PCDHGA5: variants seen among roughly 807,000 people sequenced by gnomAD.
The protein encoded by PCDHGA5 is protocadherin gamma-A5.
In PCDHGA5, 36 loss-of-function variants were observed where a neutral mutation model predicts 56.7. That is an observed-to-expected ratio of 0.64 (90% CI 0.49 to 0.84). PCDHGA5 has a LOEUF of 0.84. Ranked by LOEUF, PCDHGA5 falls within the 40% of genes least tolerant of loss-of-function variation. The pLI is 0.00. For missense variants in PCDHGA5, 1,305 were observed against 1,201.5 expected (o/e 1.09, Z -1.27); for synonymous variants, 563 against 520.2 (o/e 1.08, Z -1.12).
Position 141,388,997 on chromosome 5 carries a change from C to G in PCDHGA5, c.2421+22246C>G. On this transcript the variant is annotated intron_variant, in intron 1 of 3. Transcript: ENST00000518069. ...ATATTGCTTTGCTCAAAGTCCGTGA[C>G]AAGGATTCCAGACACAATGGAGAAG... The G allele has an allele frequency of 1.9e-6, 3 of 1,613,968 alleles. No individual in the cohort carries two copies. The highest frequency in any genetic ancestry group is 2.5e-6 in the Non-Finnish European group (3 of 1,179,880).
chr5:141,428,238 G>A lies in PCDHGA5; in HGVS notation c.2421+61487G>A, dbSNP rs775703660. On this transcript the variant is annotated intron_variant, in intron 1 of 3. Transcript: ENST00000518069. ...TAGTCTTCGCAGACAGCCTGCAGGA[G>A]GCACTGCCAGACTTCAGTGACAGTC... 1.0e-5 allele frequency: 10 copies of A among 998,180 alleles called. No individual in the cohort carries two copies. The South Asian group carries it at 1.3e-4, about 13-fold the overall frequency. The allele number at this position is 998,180 out of a possible 1,614,324, so 61.8% of individuals were successfully genotyped here. A position where few individuals can be genotyped will look rare whatever the true frequency, so the allele number is the denominator to read the frequency against.
chr5:141,455,037 C>T (rs1251627513), intron 1 of PCDHGA5, among the ~76,000 whole-genome samples: 1 of 151,744 alleles, frequency 6.6e-6, no homozygotes, highest in Non-Finnish European at 1.5e-5. Flanking sequence ...TGGTCTCGAT[C>T]TCCTGACCTC....
intron 1 of PCDHGA5, chr5:141,390,879 T>C (rs965843602): frequency 1.3e-5 from 2 of 153,458 alleles, no homozygotes; most frequent in African/African-American, 4.8e-5. Flanking sequence ...TGTGTGTGTG[T>C]GTGTGTGTGA....
At chr5:141,418,830 G>T (rs371820904) in intron 1 of PCDHGA5, 44 of 1,613,858 alleles carry the variant, frequency 2.7e-5, no homozygotes, top group Non-Finnish European at 3.6e-5. Flanking sequence ...GCAAAAGACC[G>T]AGGATCTCTC....
chr5:141,505,577 G>A lies in PCDHGA5; in HGVS notation c.2569+96G>A, dbSNP rs537948666. 8.2e-6 allele frequency: 13 copies of A among 1,589,854 alleles called. No homozygotes were observed. The African/African-American group carries it at 1.1e-4, about 13-fold the overall frequency. Reference sequence around the variant, plus strand: ...TGCCCACGGACTGGATGTCAAACCTGTGTAGTTTCTCCAGATCTTTCGGCA... The same window carrying A: ...TGCCCACGGACTGGATGTCAAACCTATGTAGTTTCTCCAGATCTTTCGGCA... On this transcript the variant is annotated intron_variant, in intron 3 of 3. Coordinates refer to ENST00000518069, the MANE Select transcript of PCDHGA5 (RefSeq NM_018918.3).
At position 141,494,838 on chromosome 5, in the gene PCDHGA5, C is replaced by T; in HGVS notation, c.2453C>T (p.Ser818Phe). 4.3e-6 allele frequency: 7 copies of T among 1,614,166 alleles called. No homozygotes were observed. Among genetic ancestry groups the T allele is most frequent in the Non-Finnish European group, 3.4e-6 (4 of 1,180,032 alleles). Residue 818 changes from serine (S) to phenylalanine (F), a missense_variant, in exon 2 of 4, where the codon TCT becomes TTT. By Grantham distance (155) the Ser-to-Phe change is radical. Transcript: ENST00000518069. ...CCGCCCAACACGGACTGGCGTTTCT[C>T]TCAGGCCCAGAGACCCGGCACCAGC... ...QAPPNTDWRF[S>F]QAQRPGTSGS...
At chr5:141,423,757 G>C (rs562479446) in intron 1 of PCDHGA5, 29 of 395,138 alleles carry the variant, frequency 7.3e-5, no homozygotes, top group African/African-American at 6.1e-4. Flanking sequence ...GTTTGGGGGG[G>C]GGGTGGGGCG....
chr5:141,368,540 AT>A (rs34785174), intron 1 of PCDHGA5, among the ~76,000 whole-genome samples: 1 of 152,116 alleles, frequency 6.6e-6, no homozygotes, highest in Middle Eastern at 3.4e-3. Context: ...TTGCTTTTCC[AT>A]TTTTTTTAAA....
At chr5:141,372,739 GT>G in intron 1 of PCDHGA5, 1 of 1,613,668 alleles carries the variant, frequency 6.2e-7, no homozygotes, top group Non-Finnish European at 8.5e-7. Context: ...GATCTTCTAT[GT>G]GATGAAGCCT....
Position 141,431,180 on chromosome 5 carries a change from A to C in PCDHGA5, c.2422-63627A>C. The C allele has an allele frequency of 6.2e-7, 1 of 1,614,246 alleles. No homozygotes were observed. The highest frequency in any genetic ancestry group is 8.5e-7 in the Non-Finnish European group (1 of 1,180,044). On this transcript the variant is annotated intron_variant, in intron 1 of 3. Transcript: ENST00000518069. This position sits in a 1 kb window ranked among gnomAD's most constrained non-coding sequence, Gnocchi z 4.8. ...CTTTCGTGAAAGTGAATTAGAAATA[A>C]AAATTAGTGAAAATGCAGCCACTGA...
intron 3 of PCDHGA5, 118 bp downstream of exon 3, chr5:141,505,599 G>A (rs936757644): frequency 1.5e-5 from 23 of 1,555,468 alleles, no homozygotes; most frequent in South Asian, 2.4e-5. Flanking sequence ...CAGATCTTTC[G>A]GCAGGTCTGA....
In PCDHGA5 at chr5:141,477,794, C is replaced by A. The variant is rs148942362; in HGVS notation, c.2422-17013C>A. On this transcript the variant is annotated intron_variant, in intron 1 of 3. Coordinates refer to ENST00000518069, the MANE Select transcript of PCDHGA5 (RefSeq NM_018918.3). This position sits in a 1 kb window ranked among gnomAD's most constrained non-coding sequence, Gnocchi z 4.9. ...CAGCGTGAACATATTTGTCACTGAT[C>A]GCAATGACAATGCCCCCCAGGTCCT... The A allele has an allele frequency of 5.6e-6, 9 of 1,614,086 alleles. No individual in the cohort carries two copies. Among genetic ancestry groups the A allele is most frequent in the Non-Finnish European group, 7.6e-6 (9 of 1,180,030 alleles).
intron 1 of PCDHGA5, chr5:141,371,830 C>A: frequency 6.2e-7 from 1 of 1,613,814 alleles, no homozygotes. Flanking sequence ...GCCTCGGATC[C>A]CGACTTGGGA....
chr5:141,371,233 C>T lies in PCDHGA5; in HGVS notation c.2421+4482C>T, dbSNP rs773899616. 4 of 1,613,864 alleles carry T rather than the reference C, an allele frequency of 2.5e-6. No individual in the cohort carries two copies. The Admixed American group carries it at 5.0e-5, about 20-fold the overall frequency. ...GGCATCAATGCCGAAATCATCTATG[C>T]CTTCATCAATATTGGCAAGGAAGTG... On this transcript the variant is annotated intron_variant, in intron 1 of 3. Transcript: ENST00000518069.
At chr5:141,423,754 GGGGGGGT>G in intron 1 of PCDHGA5, 1 of 577,826 alleles carries the variant, frequency 1.7e-6, no homozygotes, top group Non-Finnish European at 2.2e-6. Flanking sequence ...ACTGTTTGGG[GGGGGGGT>G]GGGGCGGCAT....
At chr5:141,419,901 C>A (rs2096446114) in intron 1 of PCDHGA5, 5 of 1,614,108 alleles carry the variant, frequency 3.1e-6, no homozygotes, top group Non-Finnish European at 4.2e-6. Flanking sequence ...CATCCCACAC[C>A]CTCTGACTCC....
At chr5:141,419,620 G>C in intron 1 of PCDHGA5, 1 of 1,612,304 alleles carries the variant, frequency 6.2e-7, no homozygotes, top group Non-Finnish European at 8.5e-7. Context: ...CAGGCTACCT[G>C]GTGACCAAGG....
At position 141,375,341 on chromosome 5, in the gene PCDHGA5, A is replaced by G; in HGVS notation, c.2421+8590A>G. ...CCGGGAAGAGGTATTCTTGTACAACATCACTGTGACAGCCACGGACAAAGG... is the reference window on the plus strand; with the variant it reads ...CCGGGAAGAGGTATTCTTGTACAACGTCACTGTGACAGCCACGGACAAAGG... On this transcript the variant is annotated intron_variant, in intron 1 of 3. Transcript: ENST00000518069. 3 of 1,613,856 alleles carry G rather than the reference A, an allele frequency of 1.9e-6. No homozygotes were observed. The highest frequency in any genetic ancestry group is 1.6e-4 in the Middle Eastern group (1 of 6,062).
intron 1 of PCDHGA5, chr5:141,388,297 T>C (rs2091308790): frequency 1.9e-6 from 3 of 1,613,660 alleles, no homozygotes; most frequent in African/African-American, 2.7e-5. Flanking sequence ...CAAAATTCCT[T>C]TGAGCTGCAA....
Sources: allele counts gnomAD v4.1 joint callset (sites outside exome capture counted in the v4.1 genomes callset), GRCh38; gene constraint gnomAD v4.1.1; non-coding constraint Gnocchi (gnomAD v3.1); transcripts MANE v1.5; gene names NCBI Gene and HGNC (gene_info 2026-07-23, HGNC 2026-07-21).